Variants in MALRD1 observed in about 807,000 individuals in gnomAD.
MALRD1 encodes the protein MAM and LDL receptor class A domain containing 1.
MALRD1 carries 247 observed loss-of-function variants against 242.1 expected under a neutral mutation model. That is an observed-to-expected ratio of 1.02 (90% CI 0.92 to 1.13). The LOEUF (loss-of-function observed/expected upper bound fraction) is 1.13. Ranked by LOEUF, MALRD1 falls within the 50% of genes most tolerant of loss-of-function variation. The probability of loss-of-function intolerance (pLI) is 0.00; values close to 1 mark genes in which losing one functional copy is unlikely to be tolerated. For synonymous variants in MALRD1, 995 were observed against 866.6 expected, an observed-to-expected ratio of 1.15 and a Z score of -2.60; for missense variants, 2,989 against 2,533.1, an observed-to-expected ratio of 1.18 and a Z score of -3.86.
chr10:19,587,477 A>T (rs990090779), intron 33 of MALRD1, among the ~76,000 whole-genome samples: 1 of 152,186 alleles, frequency 6.6e-6, no homozygotes, highest in Non-Finnish European at 1.5e-5. Context: ...AAACATATTA[A>T]TCATAAAGGT....
At chr10:19,714,562 G>T (rs1260687127) in intron 38 of MALRD1, among the ~76,000 whole-genome samples, 1 of 152,130 alleles carries the variant, frequency 6.6e-6, no homozygotes, top group Non-Finnish European at 1.5e-5. Flanking sequence ...AAAAATGCTT[G>T]TCCTCACCTA....
At chr10:19,541,032 A>G (rs1834945710) in intron 32 of MALRD1, among the ~76,000 whole-genome samples, 1 of 152,244 alleles carries the variant, frequency 6.6e-6, no homozygotes, top group African/African-American at 2.4e-5. Flanking sequence ...TTAAGGCAAT[A>G]GAAACATCAG....
chr10:19,279,997 G>A (rs1171732377), intron 19 of MALRD1, 50 bp from the exon 20 acceptor site: 1 of 1,373,874 alleles, frequency 7.3e-7, no homozygotes, highest in Non-Finnish European at 9.5e-7. Context: ...TAAAGCAGTA[G>A]AAAACCAGAA....
chr10:19,488,359 C>G (rs946931402), intron 29 of MALRD1, among the ~76,000 whole-genome samples: 5 of 152,214 alleles, frequency 3.3e-5, no homozygotes, highest in South Asian at 2.1e-4. Context: ...AGCTTGGAGT[C>G]TGGGGGGACA....
intron 14 of MALRD1, among the ~76,000 whole-genome samples, chr10:19,201,301 A>C (rs1392148356): frequency 6.6e-6 from 1 of 152,210 alleles, no homozygotes. Flanking sequence ...CTAGAAAAGC[A>C]CATCTGAATT....
At chr10:19,140,543 A>ATGTGGGTGTGTGTG (rs1833502342) in intron 10 of MALRD1, among the ~76,000 whole-genome samples, 1 of 146,990 alleles carries the variant, frequency 6.8e-6, no homozygotes, top group Admixed American at 6.9e-5. Flanking sequence ...GTGTGTGTGT[A>ATGTGGGTGTGTGTG]TGTGTGTGTG....
At chr10:19,697,317 CAG>C (rs541439551) in intron 38 of MALRD1, among the ~76,000 whole-genome samples, 190 of 152,222 alleles carry the variant, frequency 1.2e-3, no homozygotes, top group Non-Finnish European at 1.2e-3. Flanking sequence ...GAAACTCTGA[CAG>C]AGTTTTGCAT....
At chr10:19,302,808 A>T (rs1842009735) in intron 21 of MALRD1, among the ~76,000 whole-genome samples, 1 of 151,782 alleles carries the variant, frequency 6.6e-6, no homozygotes. Flanking sequence ...AAGGAGGTAA[A>T]TATTCAATAG....
chr10:19,473,271 A>G (rs994845408), intron 29 of MALRD1, among the ~76,000 whole-genome samples: 8 of 151,622 alleles, frequency 5.3e-5, no homozygotes, highest in Admixed American at 2.0e-4. Flanking sequence ...ACTACAGACA[A>G]CAAGCAAATA....
At chr10:19,230,139 G>C (rs562831342) in intron 18 of MALRD1, among the ~76,000 whole-genome samples, 164 of 152,138 alleles carry the variant, frequency 1.1e-3, no homozygotes, top group Non-Finnish European at 1.6e-3. Flanking sequence ...ATAATTGTGA[G>C]GCCTCCTCAG....
upstream of MALRD1, among the ~76,000 whole-genome samples, chr10:19,047,366 G>A (rs1834363959): frequency 1.1e-5 from 1 of 90,180 alleles, no homozygotes; most frequent in Non-Finnish European, 2.5e-5. Context: ...GTGTGTGTGT[G>A]TGTGTGTGTG....
rs555750553 is a variant in MALRD1 at position 19,627,416 on chromosome 10, AC to A, written c.6137+11494del. On this transcript the variant is annotated intron_variant, in intron 36 of 39. Transcript: ENST00000454679. Reference sequence around the variant, plus strand: ...CACCATAAACAAAATTAAGAAAAAAACAACAAACAAACAAAAAAGCAACAAA... The same window carrying A: ...CACCATAAACAAAATTAAGAAAAAAAAACAAACAAACAAAAAAGCAACAAA... 8.6e-4 allele frequency among the ~76,000 whole-genome samples: 131 copies of A among 151,934 alleles called. 1 individual carries two copies. The highest frequency in any genetic ancestry group is 2.5e-3 in the Admixed American group (38 of 15,252).
At chr10:19,192,235 T>A (rs115707132) in intron 14 of MALRD1, among the ~76,000 whole-genome samples, 100 of 152,278 alleles carry the variant, frequency 6.6e-4, no homozygotes, top group African/African-American at 2.3e-3. Context: ...TTTTGCGAGA[T>A]GAAAAGAGTT....
intron 29 of MALRD1, among the ~76,000 whole-genome samples, chr10:19,475,281 G>T (rs1836679926): frequency 6.6e-6 from 1 of 152,156 alleles, no homozygotes; most frequent in Non-Finnish European, 1.5e-5. Context: ...CAGGCGTGGT[G>T]GTGGGCGCCT....
At chr10:19,298,586 G>A (rs1238200028) in intron 21 of MALRD1, among the ~76,000 whole-genome samples, 2 of 152,012 alleles carry the variant, frequency 1.3e-5, no homozygotes, top group Non-Finnish European at 2.9e-5. Context: ...GTAACGTCAC[G>A]ACTGAACTGT....
intron 18 of MALRD1, among the ~76,000 whole-genome samples, chr10:19,233,645 C>T (rs1185860865): frequency 2.7e-5 from 4 of 150,532 alleles, no homozygotes; most frequent in Non-Finnish European, 4.4e-5. Context: ...CATGGTGACT[C>T]TGTATTTCTA....
intron 32 of MALRD1, 54 bp from the exon 33 acceptor site, chr10:19,567,448 C>A: frequency 7.0e-7 from 1 of 1,421,982 alleles, no homozygotes; most frequent in Non-Finnish European, 9.7e-7. Flanking sequence ...ATCTGGATGT[C>A]CTGATACTTC....
At chr10:19,578,859 A>G (rs1038651503) in intron 33 of MALRD1, among the ~76,000 whole-genome samples, 13 of 152,024 alleles carry the variant, frequency 8.6e-5, no homozygotes, top group African/African-American at 3.1e-4. Flanking sequence ...TTCCATATAT[A>G]CATCTTTTAG....
intron 38 of MALRD1, among the ~76,000 whole-genome samples, chr10:19,706,807 A>AATTTGC (rs1833887287): frequency 6.6e-6 from 1 of 152,038 alleles, no homozygotes; most frequent in Admixed American, 6.6e-5. Flanking sequence ...CTGTCATCTG[A>AATTTGC]ATTTGCATTA....
Sources: gnomAD v4.1 joint callset for allele counts (sites outside exome capture counted in the v4.1 genomes callset) on GRCh38, gnomAD v4.1.1 for gene constraint, MANE v1.5 for transcripts, NCBI Gene and HGNC (gene_info 2026-07-23, HGNC 2026-07-21) for gene names.